Variants in AFDN observed in about 807,000 individuals in gnomAD.
AFDN encodes afadin.
Under a neutral mutation model 216.6 loss-of-function variants are expected in AFDN, and 68 were observed. The ratio of observed to expected loss-of-function variants is 0.31; its 90% confidence interval spans 0.26 to 0.38. The LOEUF (loss-of-function observed/expected upper bound fraction) is 0.38, where lower values mean the gene tolerates loss of function less well. AFDN is among the 10% of genes least tolerant of loss of function. The pLI is 1.00. For synonymous variants in AFDN, 868 were observed against 853.7 expected (o/e 1.02, Z -0.29); for missense variants, 2,136 against 2,342.0 (o/e 0.91, Z 1.82).
At chr6:167,907,080 C>A in intron 12 of AFDN, 91 bp from the exon 13 acceptor site, 1 of 907,452 alleles carries the variant, frequency 1.1e-6, no homozygotes. Context: ...TGCTTGGCAG[C>A]CCTGTATCAG....
intron 1 of AFDN, among the ~76,000 whole-genome samples, chr6:167,864,072 A>G (rs1048561216): frequency 6.6e-6 from 1 of 152,188 alleles, no homozygotes; most frequent in African/African-American, 2.4e-5. Context: ...TGGAGCTGGA[A>G]AGGGACCTCA....
chr6:167,967,613 G>A (rs2128772538), intron 32 of AFDN, among the ~76,000 whole-genome samples: 1 of 152,232 alleles, frequency 6.6e-6, no homozygotes, highest in Middle Eastern at 3.4e-3. Context: ...TGGTAGCCAA[G>A]TATTATAATG....
At chr6:167,882,618 C>A (rs1786268846) in intron 6 of AFDN, among the ~76,000 whole-genome samples, 1 of 152,118 alleles carries the variant, frequency 6.6e-6, no homozygotes, top group African/African-American at 2.4e-5. Flanking sequence ...GCATTCCAGC[C>A]TGGGCGATGG....
At chr6:167,961,651 A>G (rs1348980030) in intron 30 of AFDN, among the ~76,000 whole-genome samples, 1 of 152,214 alleles carries the variant, frequency 6.6e-6, no homozygotes. Context: ...AGAAACAATG[A>G]GGTAATGAAT....
chr6:167,847,333 C>G (rs1781811247), intron 1 of AFDN, among the ~76,000 whole-genome samples: 1 of 152,198 alleles, frequency 6.6e-6, no homozygotes, highest in Non-Finnish European at 1.5e-5. Flanking sequence ...ATTTACATCT[C>G]TAAGTTTGGC....
chr6:167,862,559 G>A (rs1297790023), intron 1 of AFDN, among the ~76,000 whole-genome samples: 1 of 152,086 alleles, frequency 6.6e-6, no homozygotes, highest in Non-Finnish European at 1.5e-5. Context: ...TATTTTTGTA[G>A]AGACAGGGTT....
Position 167,951,807 on chromosome 6 carries a change from A to G in AFDN, c.4453A>G (p.Ile1485Val). 6.2e-7 allele frequency: 1 copy of G among 1,614,180 alleles called. No homozygotes were observed. The highest frequency in any genetic ancestry group is 8.5e-7 in the Non-Finnish European group (1 of 1,180,030). ...ACTCCAGCGGCCACAGGAAACAGTC[A>G]TTCGGGAGCTGCAGCCTCAGCAGCA... is the stretch of plus-strand genomic sequence containing the variant. ...STLQRPQETV[I>V]RELQPQQQPR... The change falls in exon 30 of 34, where the codon ATT becomes GTT. Residue 1485 changes from isoleucine to valine, a missense_variant. By Grantham distance (29) the Ile-to-Val change is conservative. Around this residue, in one of 8 missense-constraint regions of AFDN, gnomAD observed 981 missense variants for 966.0 expected, o/e 1.02. Coordinates refer to ENST00000683244, the MANE Select transcript of AFDN (RefSeq NM_001386888.1). The surrounding 1 kb of genome is among the most constrained non-coding windows in gnomAD (Gnocchi z 7.1).
Position 167,948,388 on chromosome 6 carries a change from T to TC in AFDN, c.3742dup (p.Arg1248ProfsTer13). The TC allele has an allele frequency of 6.2e-7, 1 of 1,614,070 alleles. No homozygotes were observed. Among genetic ancestry groups the TC allele is most frequent in the Non-Finnish European group, 8.5e-7 (1 of 1,180,002 alleles). ...CCTTCCCAGCTTCCAAATCCCAGGA[T>TC]CGGATGGCTCCTCCTCAGAACCAGT... On this transcript the variant is annotated frameshift_variant, in exon 29 of 34. Transcript: ENST00000683244. LOFTEE classifies it high-confidence loss of function.
At chr6:167,965,632 G>GT in intron 31 of AFDN, 125 bp from the exon 32 acceptor site, 1 of 861,472 alleles carries the variant, frequency 1.2e-6, no homozygotes, top group Non-Finnish European at 1.7e-6. Flanking sequence ...CTGTTACATA[G>GT]TAATTGTAAC....
chr6:167,897,204 C>G (rs941359350), intron 10 of AFDN, among the ~76,000 whole-genome samples: 1 of 152,194 alleles, frequency 6.6e-6, no homozygotes, highest in African/African-American at 2.4e-5. Context: ...TGACATTGCT[C>G]TGAAACTGCT....
chr6:167,826,889 C>G (rs1387189806), upstream of AFDN: 1 of 138,880 alleles, frequency 7.2e-6, no homozygotes, highest in East Asian at 2.0e-4. Context: ...CGGGTGCGGG[C>G]GGCGGGCGGC....
At chr6:167,851,551 A>G (rs1782309688) in intron 1 of AFDN, among the ~76,000 whole-genome samples, 1 of 152,218 alleles carries the variant, frequency 6.6e-6, no homozygotes, top group Non-Finnish European at 1.5e-5. Context: ...ATATTTATCA[A>G]GTGCCTCATA....
intron 9 of AFDN, among the ~76,000 whole-genome samples, chr6:167,896,613 G>T (rs1315425029): frequency 6.6e-6 from 1 of 152,196 alleles, no homozygotes. Context: ...CGGTAGAGAA[G>T]CCTTTTTCAA....
At chr6:167,923,620 C>CTTTTTTTTTTTTTTTTTTTTTTTTTTT (rs35743665) in intron 22 of AFDN, among the ~76,000 whole-genome samples, 1 of 111,968 alleles carries the variant, frequency 8.9e-6, no homozygotes, top group Non-Finnish European at 1.8e-5. Flanking sequence ...TACCCTAATA[C>CTTTTTTTTTTTTTTTTTTTTTTTTTTT]TTTTTTTTTT....
At chr6:167,830,825 G>A (rs1296403390) in intron 1 of AFDN, among the ~76,000 whole-genome samples, 1 of 150,710 alleles carries the variant, frequency 6.6e-6, no homozygotes, top group African/African-American at 2.4e-5. Context: ...GGAGTAGGAA[G>A]TCTTCAGGTG....
intron 1 of AFDN, among the ~76,000 whole-genome samples, chr6:167,837,272 C>T (rs1161773478): frequency 2.0e-5 from 3 of 151,956 alleles, no homozygotes; most frequent in Non-Finnish European, 2.9e-5. Context: ...ATATTTGCTT[C>T]TTTCCATTAT....
At position 167,962,819 on chromosome 6, in the gene AFDN, G is replaced by A; in HGVS notation, c.4968+252G>A. 2.3e-6 allele frequency: 3 copies of A among 1,320,900 alleles called. No homozygotes were observed. Among genetic ancestry groups the A allele is most frequent in the South Asian group, 2.1e-5 (1 of 46,922 alleles). The allele number at this position is 1,320,900 out of a possible 1,614,324, so 81.8% of individuals were successfully genotyped here. ...TTCAAACTTCTGAACTCTTGGGCGT[G>A]TGTAGCAGTGAGCCTCTTTGCAAAG... On this transcript the variant is annotated intron_variant, in intron 31 of 33. Transcript: ENST00000683244. The surrounding 1 kb of genome is among the most constrained non-coding windows in gnomAD (Gnocchi z 5.2).
intron 30 of AFDN, 177 bp downstream of exon 30, chr6:167,952,364 C>G (rs1796095333): frequency 6.8e-7 from 1 of 1,480,660 alleles, no homozygotes; most frequent in African/African-American, 1.4e-5. Context: ...TGAGTCAGGC[C>G]TATAAGGCTA....
chr6:167,854,869 A>G (rs1243843945), intron 1 of AFDN, among the ~76,000 whole-genome samples: 1 of 151,610 alleles, frequency 6.6e-6, no homozygotes, highest in Non-Finnish European at 1.5e-5. Flanking sequence ...AGGAAATAAA[A>G]TCTTTTAAAT....
Sources: allele counts gnomAD v4.1 joint callset (sites outside exome capture counted in the v4.1 genomes callset), GRCh38; gene constraint gnomAD v4.1.1; regional missense constraint gnomAD v4.1.1; non-coding constraint Gnocchi (gnomAD v3.1); transcripts MANE v1.5; gene names NCBI Gene and HGNC (gene_info 2026-07-23, HGNC 2026-07-21).